STAG1: variants seen among roughly 807,000 people sequenced by gnomAD.
STAG1 encodes cohesin subunit SA-1.
A neutral mutation model predicts 170.9 loss-of-function variants in STAG1; 26 were observed. That is an observed-to-expected ratio of 0.15 (90% CI 0.11 to 0.21). STAG1 has a LOEUF of 0.21. Ranked by LOEUF, STAG1 falls within the 10% of genes least tolerant of loss-of-function variation. The pLI, the probability that STAG1 is intolerant of heterozygous loss-of-function variation, is 1.00. For synonymous variants in STAG1, 514 were observed against 497.7 expected (o/e 1.03, Z -0.44); for missense variants, 964 against 1,509.5 (o/e 0.64, Z 5.99).
rs550855502 is a variant in STAG1 at position 136,696,694 on chromosome 3, A to G, written c.-84+55501T>C. Among the ~76,000 whole-genome samples, 7 of 146,912 alleles carry G rather than the reference A, an allele frequency of 4.8e-5. No homozygotes were observed. In the South Asian group the frequency reaches 9.0e-4, roughly 19 times the overall value. ...GCTGTAAATCTTAAACTTCTTTTTA[A>G]TAAAAGGAATGAAGTATTAATAAAC... On this transcript the variant is annotated intron_variant, in intron 1 of 33. Coordinates refer to ENST00000383202, the MANE Select transcript of STAG1 (RefSeq NM_005862.3).
At chr3:136,668,415 TAA>T (rs1023233698) in intron 1 of STAG1, among the ~76,000 whole-genome samples, 3 of 146,094 alleles carry the variant, frequency 2.1e-5, no homozygotes, top group Non-Finnish European at 4.5e-5. Flanking sequence ...ATAATATATA[TAA>T]AATATATAAC....
chr3:136,485,006 C>A (rs2089977891), intron 9 of STAG1, among the ~76,000 whole-genome samples: 1 of 152,218 alleles, frequency 6.6e-6, no homozygotes. Flanking sequence ...AACCCGGTAC[C>A]TCAGATGGAA....
At chr3:136,424,370 C>G (rs547517028) in intron 16 of STAG1, among the ~76,000 whole-genome samples, 2 of 146,380 alleles carry the variant, frequency 1.4e-5, no homozygotes, top group African/African-American at 2.6e-5. Flanking sequence ...TGTTGTGACA[C>G]CCAGGCTGGA....
At chr3:136,527,106 A>G (rs962052233) in intron 6 of STAG1, among the ~76,000 whole-genome samples, 4 of 152,102 alleles carry the variant, frequency 2.6e-5, no homozygotes, top group African/African-American at 4.8e-5. Flanking sequence ...TCTTCATGAC[A>G]TTCTCTGTAT....
chr3:136,492,091 A>G (rs1475191328), intron 9 of STAG1, among the ~76,000 whole-genome samples: 2 of 152,242 alleles, frequency 1.3e-5, no homozygotes, highest in Admixed American at 1.3e-4. Context: ...ATATCTCTGC[A>G]TAGTACCTAC....
chr3:136,433,109 C>A (rs1405611943), intron 16 of STAG1, among the ~76,000 whole-genome samples: 1 of 152,042 alleles, frequency 6.6e-6, no homozygotes, highest in African/African-American at 2.4e-5. Flanking sequence ...GGAGTCTCTC[C>A]ATCTATGATT....
chr3:136,383,684 G>A (rs942755880), intron 22 of STAG1, among the ~76,000 whole-genome samples: 5 of 152,084 alleles, frequency 3.3e-5, no homozygotes, highest in African/African-American at 4.8e-5. Context: ...GGCCAGGCGC[G>A]GTGGCTCACG....
chr3:136,588,143 C>T (rs1286953348), intron 4 of STAG1, among the ~76,000 whole-genome samples: 3 of 152,260 alleles, frequency 2.0e-5, no homozygotes, highest in South Asian at 4.1e-4. Flanking sequence ...CATGAATTCG[C>T]TCTTCACTTG....
At chr3:136,494,020 T>C (rs977041074) in intron 9 of STAG1, among the ~76,000 whole-genome samples, 2 of 152,174 alleles carry the variant, frequency 1.3e-5, no homozygotes, top group African/African-American at 2.4e-5. Flanking sequence ...CCTATAATCC[T>C]AGTACTTTGG....
At chr3:136,369,806 G>A (rs1337022805) in intron 23 of STAG1, among the ~76,000 whole-genome samples, 2 of 152,120 alleles carry the variant, frequency 1.3e-5, no homozygotes, top group Non-Finnish European at 2.9e-5. Flanking sequence ...CGTCAATAAT[G>A]AACTGCATAT....
chr3:136,593,206 G>C (rs1470033578), intron 4 of STAG1, among the ~76,000 whole-genome samples: 2 of 152,140 alleles, frequency 1.3e-5, no homozygotes, highest in African/African-American at 4.8e-5. Context: ...ATATAAACTG[G>C]AACAGTTCCT....
chr3:136,533,264 C>T (rs913436745), intron 6 of STAG1, among the ~76,000 whole-genome samples: 12 of 152,102 alleles, frequency 7.9e-5, no homozygotes, highest in Middle Eastern at 3.4e-3. Flanking sequence ...AGGACACAAA[C>T]GAATGGAAAG....
chr3:136,344,121 C>T, intron 29 of STAG1, 115 bp from the exon 30 acceptor site: 1 of 670,326 alleles, frequency 1.5e-6, no homozygotes, highest in Non-Finnish European at 2.3e-6. Context: ...CACTTTAAAT[C>T]TCAGTTCCAC....
chr3:136,450,654 C>G (rs1378240194), intron 14 of STAG1, among the ~76,000 whole-genome samples: 3 of 152,208 alleles, frequency 2.0e-5, no homozygotes, highest in African/African-American at 4.8e-5. Context: ...CATTCTAGCA[C>G]AAATCAAAAA....
rs1226735027 is a variant in STAG1, at chr3:136,479,552, C to A, written c.903-2140G>T. On this transcript the variant is annotated intron_variant, in intron 9 of 33. Coordinates refer to ENST00000383202, the MANE Select transcript of STAG1 (RefSeq NM_005862.3). The stretch of plus-strand genomic sequence containing the variant: ...GCAATAAACATACGTGTGCATGTGT[C>A]TTTATAGCAGCATGATTTATAGTCC... Among the ~76,000 whole-genome samples the A allele has an allele frequency of 4.7e-5, 3 of 63,664 alleles. 1 individual carries two copies. Among genetic ancestry groups the A allele is most frequent in the African/African-American group, 1.5e-4 (3 of 20,398 alleles). The allele number at this position is 63,664 out of a possible 152,430, so 41.8% of individuals were successfully genotyped here.
chr3:136,711,747 G>GT (rs1471939115), intron 1 of STAG1, among the ~76,000 whole-genome samples: 4 of 151,676 alleles, frequency 2.6e-5, no homozygotes, highest in Non-Finnish European at 5.9e-5. Context: ...GATGGCAAAA[G>GT]TTTTTTTGTT....
At chr3:136,462,662 G>T (rs2089307503) in intron 13 of STAG1, among the ~76,000 whole-genome samples, 1 of 152,128 alleles carries the variant, frequency 6.6e-6, no homozygotes, top group Non-Finnish European at 1.5e-5. Context: ...TTTATTAATA[G>T]AAGATTTGGA....
At chr3:136,697,390 T>G (rs1942929619) in intron 1 of STAG1, among the ~76,000 whole-genome samples, 1 of 152,202 alleles carries the variant, frequency 6.6e-6, no homozygotes, top group African/African-American at 2.4e-5. Context: ...CCCGACCAAC[T>G]GAATCACACT....
At chr3:136,695,723 AG>A (rs909847143) in intron 1 of STAG1, among the ~76,000 whole-genome samples, 6 of 152,296 alleles carry the variant, frequency 3.9e-5, no homozygotes, top group African/African-American at 1.4e-4. Flanking sequence ...AAGAGGAAAA[AG>A]ATCCCTCAAA....
Sources: gnomAD v4.1 joint callset for allele counts (sites outside exome capture counted in the v4.1 genomes callset) on GRCh38, gnomAD v4.1.1 for gene constraint, MANE v1.5 for transcripts, NCBI Gene and HGNC (gene_info 2026-07-23, HGNC 2026-07-21) for gene names.